The following COL4A4 variants were observed in gnomAD, a reference collection of about 807,000 sequenced individuals.
COL4A4 encodes collagen alpha-4(IV) chain.
COL4A4 carries 105 observed loss-of-function variants against 192.9 expected under a neutral mutation model. The observed-to-expected ratio is 0.54, with a 90% confidence interval of 0.46 to 0.64. The LOEUF is 0.64. Among genes scored for constraint, COL4A4 ranks in the 30% least tolerant of loss-of-function variants. COL4A4 has a pLI of 0.00. For missense variants in COL4A4, 1,967 were observed against 2,169.3 expected (o/e 0.91, Z 1.85); for synonymous variants, 762 against 769.9 (o/e 0.99, Z 0.17).
chr2:227,010,391 G>A lies in COL4A4; in HGVS notation c.4444C>T (p.Leu1482=). 6.2e-7 allele frequency: 1 copy of A among 1,614,240 alleles called. No individual in the cohort carries two copies. The highest frequency in any genetic ancestry group is 8.5e-7 in the Non-Finnish European group (1 of 1,180,032). ...SQTDQEPTCP[L]GMPRLWTGYS... is the part of the protein sequence containing the mutation. ...CCAGTCCAGAGCCTGGGCATGCCCAGGGGGCAGGTGGGCTCCTGGTCCGTC... is the reference window on the plus strand; with the variant it reads ...CCAGTCCAGAGCCTGGGCATGCCCAAGGGGCAGGTGGGCTCCTGGTCCGTC... Residue 1482 remains leucine (L), a synonymous_variant, in exon 46 of 48, where the codon CTG becomes TTG. Coordinates refer to ENST00000396625, the MANE Select transcript of COL4A4 (RefSeq NM_000092.5).
chr2:227,011,113 G>C (rs145411579), intron 45 of COL4A4, among the ~76,000 whole-genome samples: 60 of 152,338 alleles, frequency 3.9e-4, no homozygotes, highest in African/African-American at 1.3e-3. Flanking sequence ...GAAATCAACA[G>C]TTCTAGAGAA....
At chr2:227,137,451 T>G (rs2062894154) in intron 4 of COL4A4, among the ~76,000 whole-genome samples, 1 of 152,200 alleles carries the variant, frequency 6.6e-6, no homozygotes. Flanking sequence ...TAGCAAGTTA[T>G]TTAGAACTGT....
intron 22 of COL4A4, among the ~76,000 whole-genome samples, chr2:227,085,858 T>C (rs1205543194): frequency 6.6e-6 from 1 of 152,188 alleles, no homozygotes; most frequent in Non-Finnish European, 1.5e-5. Context: ...ATCCAAACGT[T>C]ATCAGCCTGT....
At chr2:227,083,909 A>C (rs1436032870) in intron 22 of COL4A4, among the ~76,000 whole-genome samples, 2 of 152,330 alleles carry the variant, frequency 1.3e-5, no homozygotes, top group East Asian at 3.9e-4. Flanking sequence ...AACAGTGAAG[A>C]GGAAGCCAAA....
the COL4A4 span, chr2:226,995,789 C>A: frequency 2.1e-6 from 1 of 467,600 alleles, no homozygotes; most frequent in Non-Finnish European, 3.8e-6. Flanking sequence ...TCCCATCTCT[C>A]ACTGCTGACT....
intron 20 of COL4A4, among the ~76,000 whole-genome samples, chr2:227,092,452 G>A (rs981646993): frequency 6.6e-6 from 1 of 152,148 alleles, no homozygotes; most frequent in Admixed American, 6.6e-5. Context: ...TCTCAAGACA[G>A]TATTCTGGCA....
At chr2:227,127,733 A>G (rs890788731) in intron 4 of COL4A4, among the ~76,000 whole-genome samples, 9 of 152,212 alleles carry the variant, frequency 5.9e-5, no homozygotes, top group African/African-American at 2.2e-4. Context: ...TTTTGTCAGT[A>G]GGAGCACTAG....
chr2:227,056,017 C>CTCCTGGA lies in COL4A4; in HGVS notation c.2643_2644insTCCAGGA (p.Gly882SerfsTer17), dbSNP rs2150234843. ...GGGATTCCTGGGAGGCCTGGGGGAC[C>CTCCTGGA]ATGTGCCCCAGGCCGTCCTGGGAGT... On this transcript the variant is annotated frameshift_variant, in exon 30 of 48. Coordinates refer to ENST00000396625, the MANE Select transcript of COL4A4 (RefSeq NM_000092.5). LOFTEE classifies it high-confidence loss of function. 1.2e-6 allele frequency: 2 copies of CTCCTGGA among 1,613,398 alleles called. No homozygotes were observed. The highest frequency in any genetic ancestry group is 1.7e-6 in the Non-Finnish European group (2 of 1,179,482).
intron 27 of COL4A4, 35 bp downstream of exon 27, chr2:227,060,101 G>GAAACAAAAAAAAA (rs1976529633): frequency 4.0e-6 from 2 of 505,770 alleles, no homozygotes; most frequent in African/African-American, 3.9e-5. Flanking sequence ...TCCCAAAGCA[G>GAAACAAAAAAAAA]AAAAAAAAAA....
the COL4A4 span, among the ~76,000 whole-genome samples, chr2:226,991,012 A>G: frequency 6.6e-6 from 1 of 152,208 alleles, no homozygotes; most frequent in Non-Finnish European, 1.5e-5. Context: ...AGGCTCCTTC[A>G]TGTGACAAAA....
At chr2:227,055,152 C>T (rs1210530018) in intron 30 of COL4A4, among the ~76,000 whole-genome samples, 1 of 152,126 alleles carries the variant, frequency 6.6e-6, no homozygotes. Context: ...AGTTCATCTA[C>T]AGATGCAAAC....
chr2:227,159,814 T>A (rs1360734404), intron 1 of COL4A4, among the ~76,000 whole-genome samples: 1 of 152,228 alleles, frequency 6.6e-6, no homozygotes, highest in African/African-American at 2.4e-5. Flanking sequence ...TAAGCCTCTT[T>A]TCTTTATAAA....
At chr2:227,090,623 G>A (rs10197117) in intron 20 of COL4A4, among the ~76,000 whole-genome samples, 10,003 of 151,690 alleles carry the variant, frequency 0.066, 584 homozygotes, top group African/African-American at 0.15. Context: ...ACGGTGGTGC[G>A]TGCCTGTAAT....
intron 43 of COL4A4, among the ~76,000 whole-genome samples, chr2:227,025,041 A>C (rs1966739102): frequency 6.6e-6 from 1 of 152,230 alleles, no homozygotes; most frequent in African/African-American, 2.4e-5. Flanking sequence ...GACTTTTTAC[A>C]TTTTTGATTT....
chr2:227,104,989 A>G (rs1462864497), intron 12 of COL4A4, among the ~76,000 whole-genome samples: 1 of 152,006 alleles, frequency 6.6e-6, no homozygotes, highest in Non-Finnish European at 1.5e-5. Flanking sequence ...ATATGTGTAT[A>G]TATGTACATA....
chr2:227,001,100 CTTTTTTT>C (rs1193019703), downstream of COL4A4, among the ~76,000 whole-genome samples: 1 of 144,310 alleles, frequency 6.9e-6, no homozygotes, highest in Non-Finnish European at 1.5e-5. Flanking sequence ...TTTCTTTTTT[CTTTTTTT>C]TTTTTGAGAC....
intron 44 of COL4A4, among the ~76,000 whole-genome samples, chr2:227,015,334 C>T (rs968447013): frequency 2.0e-5 from 3 of 152,192 alleles, no homozygotes; most frequent in African/African-American, 4.8e-5. Context: ...AGAGTAGTTA[C>T]TGGACCAGCA....
chr2:227,062,473 GTTTT>G, intron 26 of COL4A4, 53 bp downstream of exon 26: 3 of 951,602 alleles, frequency 3.2e-6, no homozygotes, highest in Non-Finnish European at 3.3e-6. Flanking sequence ...TGTCTGGCTG[GTTTT>G]TTTTTTTTTA....
At chr2:227,068,344 G>C (rs1284911926) in intron 25 of COL4A4, among the ~76,000 whole-genome samples, 4 of 152,182 alleles carry the variant, frequency 2.6e-5, no homozygotes, top group African/African-American at 4.8e-5. Context: ...TAGAAAAAGA[G>C]GGAATCCTCC....
Sources: gnomAD v4.1 joint callset for allele counts (sites outside exome capture counted in the v4.1 genomes callset) on GRCh38, gnomAD v4.1.1 for gene constraint, MANE v1.5 for transcripts, NCBI Gene and HGNC (gene_info 2026-07-23, HGNC 2026-07-21) for gene names.